The following GYS2 variants were observed in gnomAD, a reference collection of about 807,000 sequenced individuals.
The protein encoded by GYS2 is glycogen [starch] synthase, liver.
In GYS2, 80 loss-of-function variants were observed where a neutral mutation model predicts 85.6. The ratio of observed to expected loss-of-function variants is 0.93; its 90% CI spans 0.78 to 1.13. The LOEUF (loss-of-function observed/expected upper bound fraction) is 1.13. Ranked by LOEUF, GYS2 falls within the 50% of genes most tolerant of loss-of-function variation. GYS2 has a pLI of 0.00. For missense variants in GYS2, 881 were observed against 854.9 expected, an observed-to-expected ratio of 1.03 and a Z score of -0.38; for synonymous variants, 328 against 300.7, an observed-to-expected ratio of 1.09 and a Z score of -0.94.
At chr12:21,587,313 C>T (rs867882682) in intron 1 of GYS2, among the ~76,000 whole-genome samples, 2 of 152,126 alleles carry the variant, frequency 1.3e-5, no homozygotes, top group South Asian at 2.1e-4. Context: ...GTAAGGAACC[C>T]GAGCTTGTAC....
At chr12:21,556,619 C>T (rs1437080829) in intron 11 of GYS2, among the ~76,000 whole-genome samples, 9 of 152,228 alleles carry the variant, frequency 5.9e-5, no homozygotes, top group Non-Finnish European at 1.0e-4. Context: ...CTATATCTCA[C>T]ATGTAACTCA....
intron 1 of GYS2, among the ~76,000 whole-genome samples, chr12:21,593,379 C>T (rs1222116244): frequency 7.5e-6 from 1 of 134,082 alleles, no homozygotes; most frequent in African/African-American, 2.8e-5. Flanking sequence ...GCTAGACTAA[C>T]CAAGAAAAAG....
At chr12:21,539,451 G>C in intron 14 of GYS2, 113 bp from the exon 15 acceptor site, 1 of 744,480 alleles carries the variant, frequency 1.3e-6, no homozygotes, top group Admixed American at 2.0e-5. Context: ...ATTTTTTAAA[G>C]TGACAGAATC....
chr12:21,534,176 C>T (rs1457258001), downstream of GYS2, among the ~76,000 whole-genome samples: 1 of 152,084 alleles, frequency 6.6e-6, no homozygotes, highest in Non-Finnish European at 1.5e-5. Flanking sequence ...CCTTGACTTA[C>T]CATGGATTTA....
chr12:21,558,967 A>T (rs181119589), intron 10 of GYS2, 124 bp downstream of exon 10: 1 of 618,996 alleles, frequency 1.6e-6, no homozygotes, highest in East Asian at 3.0e-5. Context: ...GTGACTATGT[A>T]AGAATGTCTT....
At chr12:21,562,760 T>G (rs2136881874) in intron 7 of GYS2, among the ~76,000 whole-genome samples, 158 bp downstream of exon 7, 1 of 149,658 alleles carries the variant, frequency 6.7e-6, no homozygotes, top group East Asian at 2.0e-4. Context: ...AACAGTGTGG[T>G]AACTCCAATA....
chr12:21,575,141 C>T (rs1367652019), intron 3 of GYS2, among the ~76,000 whole-genome samples: 3 of 151,880 alleles, frequency 2.0e-5, no homozygotes. Context: ...TTTCTTGAAG[C>T]CAACAAAATT....
intron 11 of GYS2, among the ~76,000 whole-genome samples, chr12:21,548,436 T>C (rs1944067642): frequency 1.3e-5 from 2 of 152,140 alleles, no homozygotes; most frequent in African/African-American, 4.8e-5. Context: ...CTGACAGACA[T>C]AGAGTCTCAA....
intron 5 of GYS2, among the ~76,000 whole-genome samples, chr12:21,565,972 A>AT (rs1490871300): frequency 1.3e-5 from 2 of 152,114 alleles, no homozygotes; most frequent in East Asian, 3.9e-4. Context: ...AAAATGACAA[A>AT]TTTTTTTAAA....
At chr12:21,579,299 G>A (rs983159358) in intron 2 of GYS2, among the ~76,000 whole-genome samples, 1 of 151,386 alleles carries the variant, frequency 6.6e-6, no homozygotes, top group Admixed American at 6.6e-5. Context: ...TGTTGACAGA[G>A]CCACATTCCA....
chr12:21,540,336 T>C (rs1194841172), intron 14 of GYS2, 74 bp downstream of exon 14: 16 of 1,175,662 alleles, frequency 1.4e-5, no homozygotes, highest in Non-Finnish European at 2.0e-5. Context: ...TTAGAGATTA[T>C]GACTAGAATC....
At chr12:21,589,164 T>A (rs1944606833) in intron 1 of GYS2, among the ~76,000 whole-genome samples, 1 of 152,248 alleles carries the variant, frequency 6.6e-6, no homozygotes, top group Admixed American at 6.5e-5. Flanking sequence ...ACATCCTTGT[T>A]TGTTAGATTA....
chr12:21,563,787 C>A (rs998896813), intron 5 of GYS2, among the ~76,000 whole-genome samples: 6 of 152,158 alleles, frequency 3.9e-5, no homozygotes, highest in African/African-American at 1.2e-4. Flanking sequence ...AAGACGCCGT[C>A]CAAGAACACA....
chr12:21,580,191 T>A, intron 2 of GYS2, 151 bp downstream of exon 2: 1 of 754,792 alleles, frequency 1.3e-6, no homozygotes, highest in Non-Finnish European at 2.3e-6. Flanking sequence ...TCAAATTCAA[T>A]CCATTTAAAA....
intron 1 of GYS2, among the ~76,000 whole-genome samples, chr12:21,593,895 A>C (rs1258691307): frequency 1.3e-5 from 2 of 152,172 alleles, no homozygotes; most frequent in Admixed American, 6.5e-5. Flanking sequence ...CCAACAGTAC[A>C]TCCAAAAGAT....
At chr12:21,540,132 T>C (rs566944103) in intron 14 of GYS2, among the ~76,000 whole-genome samples, 2 of 152,344 alleles carry the variant, frequency 1.3e-5, no homozygotes, top group East Asian at 1.9e-4. Flanking sequence ...TGTTTCCTTA[T>C]ACCAGTAACA....
chr12:21,569,106 G>T lies in GYS2; in HGVS notation c.679-97C>A. On this transcript the variant is annotated intron_variant, in intron 4 of 15. Coordinates refer to ENST00000261195, the MANE Select transcript of GYS2 (RefSeq NM_021957.4). ...ATTTCACCAAGTGGCTTACCTCAAG[G>T]CTGTGTAAAAATTTATGACCACAAA... 4 of 1,267,766 alleles carry T rather than the reference G, an allele frequency of 3.2e-6. No individual in the cohort carries two copies. In the South Asian group the frequency reaches 3.6e-5, roughly 12 times the overall value. 78.5% of individuals were successfully genotyped at this position (1,267,766 alleles called of 1,614,324 possible).
intron 1 of GYS2, among the ~76,000 whole-genome samples, chr12:21,585,562 A>G (rs1442082421): frequency 6.8e-6 from 1 of 146,548 alleles, no homozygotes; most frequent in Non-Finnish European, 1.5e-5. Context: ...TCCACCAGGA[A>G]AAAAAAAAAA....
At chr12:21,596,954 C>T (rs184127239) in intron 1 of GYS2, among the ~76,000 whole-genome samples, 1 of 152,248 alleles carries the variant, frequency 6.6e-6, no homozygotes, top group African/African-American at 2.4e-5. Flanking sequence ...TATACACCAA[C>T]AGCAACCAAA....
Sources: allele counts gnomAD v4.1 joint callset (sites outside exome capture counted in the v4.1 genomes callset), GRCh38; gene constraint gnomAD v4.1.1; transcripts MANE v1.5; gene names NCBI Gene and HGNC (gene_info 2026-07-23, HGNC 2026-07-21).